Variants in NEBL observed in about 807,000 individuals in gnomAD.
The protein encoded by NEBL is nebulette, also known as LIM and SH3 protein 2.
NEBL carries 122 observed loss-of-function variants against 140.2 expected under a neutral mutation model. The ratio of observed to expected loss-of-function variants is 0.87; its 90% CI spans 0.75 to 1.01. The LOEUF (loss-of-function observed/expected upper bound fraction) is 1.01, where lower values mean the gene tolerates loss of function less well. Ranked by LOEUF, NEBL falls within the 50% of genes least tolerant of loss-of-function variation. NEBL has a pLI of 0.00. For synonymous variants in NEBL, 436 were observed against 398.9 expected (o/e 1.09, Z -1.11); for missense variants, 1,365 against 1,231.3 (o/e 1.11, Z -1.62).
intron 2 of NEBL, among the ~76,000 whole-genome samples, chr10:21,108,932 T>C (rs879805710): frequency 4.6e-5 from 7 of 152,184 alleles, no homozygotes; most frequent in Admixed American, 3.3e-4. Context: ...TGTACAATCA[T>C]GTCATCTGCA....
chr10:20,810,227 C>T (rs1167409572), intron 24 of NEBL, among the ~76,000 whole-genome samples: 1 of 152,178 alleles, frequency 6.6e-6, no homozygotes, highest in Non-Finnish European at 1.5e-5. Flanking sequence ...TGCATCCCCT[C>T]ACAGCACCCC....
At chr10:21,162,102 T>C (rs1840581557) in intron 2 of NEBL, among the ~76,000 whole-genome samples, 1 of 152,046 alleles carries the variant, frequency 6.6e-6, no homozygotes. Context: ...GAAACCCCAA[T>C]AAAAACTCTG....
intron 2 of NEBL, among the ~76,000 whole-genome samples, chr10:21,022,037 G>C (rs927364756): frequency 1.4e-4 from 21 of 152,182 alleles, no homozygotes; most frequent in African/African-American, 4.6e-4. Context: ...TGGTGGTGAG[G>C]AGATGGCATT....
chr10:21,029,287 A>G, intron 2 of NEBL: 2 of 1,606,742 alleles, frequency 1.2e-6, no homozygotes, highest in South Asian at 2.2e-5. Flanking sequence ...GCCACCCTAC[A>G]CTTCTTTTCT....
intron 26 of NEBL, among the ~76,000 whole-genome samples, chr10:20,805,804 G>A (rs2130741444): frequency 6.6e-6 from 1 of 151,576 alleles, no homozygotes; most frequent in Admixed American, 6.6e-5. Context: ...AGTGAGCCAA[G>A]ATCACGTTAC....
At chr10:20,881,236 T>C (rs999098685) in intron 4 of NEBL, among the ~76,000 whole-genome samples, 1 of 152,198 alleles carries the variant, frequency 6.6e-6, no homozygotes, top group Non-Finnish European at 1.5e-5. Flanking sequence ...GATTTAAATC[T>C]TGGAAAAACA....
upstream of NEBL, chr10:21,174,694 C>A (rs1841255817): frequency 6.6e-6 from 1 of 152,186 alleles, no homozygotes; most frequent in Non-Finnish European, 1.5e-5. Flanking sequence ...GACCTGCGTC[C>A]CAGAGGGGCC....
In NEBL at chr10:20,936,687, T is replaced by C. The variant is rs60149599; in HGVS notation, c.357+24985A>G. Reference sequence around the variant, plus strand: ...CAACTTCTCACTGAATCTAAATAAATAATGCAGTGTTTTCTGTGTTTCAAT... The same window carrying C: ...CAACTTCTCACTGAATCTAAATAAACAATGCAGTGTTTTCTGTGTTTCAAT... On this transcript the variant is annotated intron_variant, in intron 4 of 6. Coordinates refer to the NEBL transcript ENST00000417816. Among the ~76,000 whole-genome samples the C allele has an allele frequency of 2.7e-4, 41 of 152,322 alleles. No homozygotes were observed. In the East Asian group the frequency reaches 6.9e-3, roughly 26 times the overall value.
chr10:21,272,244 C>G (rs11012631), intron 1 of NEBL, among the ~76,000 whole-genome samples: 23 of 149,456 alleles, frequency 1.5e-4, no homozygotes, highest in African/African-American at 5.5e-4. Context: ...GAATTACAGG[C>G]GTAAGCCACC....
chr10:20,980,267 C>G (rs540473754), intron 3 of NEBL, among the ~76,000 whole-genome samples: 1 of 151,872 alleles, frequency 6.6e-6, no homozygotes, highest in South Asian at 2.1e-4. Flanking sequence ...TTTTGTCCAG[C>G]TCTGGTGGTC....
rs1844738214 is a variant in NEBL at position 20,869,839 on chromosome 10, A to C, written c.483T>G (p.Ile161Met). 1 of 1,599,018 alleles carries C rather than the reference A, an allele frequency of 6.3e-7. No homozygotes were observed. The highest frequency in any genetic ancestry group is 8.6e-7 in the Non-Finnish European group (1 of 1,166,330). ...TGTCCTGCACGTCTTTCCTATAAGA[A>C]ATCTGATCAGAGACAGTTTTGGTTA... ...AMEVNKHQSN[I>M]SYRKDVQDTH... is the part of the protein sequence containing the mutation. The change falls in exon 6 of 28, where the codon ATT (isoleucine) becomes ATG (methionine). Residue 161 changes from isoleucine (I) to methionine (M), a missense_variant and splice_region_variant. By Grantham distance (10) the Ile-to-Met change is conservative. Transcript: ENST00000377122.
intron 3 of NEBL, among the ~76,000 whole-genome samples, chr10:20,996,202 G>A (rs10828167): frequency 6.6e-6 from 1 of 152,088 alleles, no homozygotes; most frequent in Non-Finnish European, 1.5e-5. Flanking sequence ...GATGTGATAC[G>A]CTTTCAAGGT....
In NEBL at chr10:21,146,476, C is replaced by G. The variant is rs766954419; in HGVS notation, c.164+25907G>C. 5 of 1,613,772 alleles carry G rather than the reference C, an allele frequency of 3.1e-6. No individual in the cohort carries two copies. The South Asian group carries it at 5.5e-5, about 18-fold the overall frequency. The stretch of plus-strand genomic sequence containing the variant: ...CAGAAATTTCAGGTGCCATGCTTTC[C>G]ATAGAGTAGATTCTTCTTTCACTTT... On this transcript the variant is annotated intron_variant, in intron 2 of 6. Transcript: ENST00000417816.
intron 4 of NEBL, among the ~76,000 whole-genome samples, chr10:20,919,810 A>C (rs1277540573): frequency 2.0e-5 from 3 of 152,192 alleles, no homozygotes; most frequent in Non-Finnish European, 4.4e-5. Flanking sequence ...TAACAACTAC[A>C]TAAAAATAAG....
chr10:21,044,397 TAAAAAAAAAAAAAAAAAA>T (rs57176129), intron 2 of NEBL, among the ~76,000 whole-genome samples: 3 of 34,870 alleles, frequency 8.6e-5, no homozygotes, highest in Non-Finnish European at 1.4e-4. Flanking sequence ...AGAGTAAGAA[TAAAAAAAAAAAAAAAAAA>T]AAAAAAAAAA....
chr10:21,062,138 G>A (rs538081173), intron 2 of NEBL, among the ~76,000 whole-genome samples: 1 of 152,292 alleles, frequency 6.6e-6, no homozygotes, highest in East Asian at 1.9e-4. Context: ...TTATCAGTCT[G>A]ACTTATATTT....
intron 3 of NEBL, among the ~76,000 whole-genome samples, chr10:21,208,122 G>T (rs1053856524): frequency 6.6e-6 from 1 of 152,110 alleles, no homozygotes; most frequent in African/African-American, 2.4e-5. Context: ...CTAGGCTGGG[G>T]TTTTTAAGAA....
intron 3 of NEBL, among the ~76,000 whole-genome samples, chr10:20,990,415 G>A (rs899290590): frequency 3.3e-5 from 5 of 152,166 alleles, no homozygotes; most frequent in Admixed American, 2.6e-4. Flanking sequence ...ATTGGGATTA[G>A]TGTCCTTATA....
intron 2 of NEBL, among the ~76,000 whole-genome samples, chr10:21,143,906 T>A (rs751207075): frequency 3.3e-5 from 5 of 150,780 alleles, no homozygotes; most frequent in Non-Finnish European, 5.9e-5. Flanking sequence ...CCAGAAAAAC[T>A]TTATATCAAG....
Sources: allele counts gnomAD v4.1 joint callset (sites outside exome capture counted in the v4.1 genomes callset), GRCh38; gene constraint gnomAD v4.1.1; transcripts MANE v1.5; gene names NCBI Gene and HGNC (gene_info 2026-07-23, HGNC 2026-07-21).